CFAP61: variants seen among roughly 807,000 people sequenced by gnomAD.
CFAP61 encodes the protein cilia- and flagella-associated protein 61.
CFAP61 carries 107 observed loss-of-function variants against 135.6 expected under a neutral mutation model. That is an observed-to-expected ratio of 0.79 (90% CI 0.67 to 0.93). The LOEUF (loss-of-function observed/expected upper bound fraction) is 0.93, where lower values mean the gene tolerates loss of function less well. CFAP61 is among the 40% of genes least tolerant of loss of function. CFAP61 has a pLI of 0.00. For missense variants in CFAP61, 1,507 were observed against 1,556.2 expected, an observed-to-expected ratio of 0.97 and a Z score of 0.53; for synonymous variants, 575 against 578.5, an observed-to-expected ratio of 0.99 and a Z score of 0.09.
At chr20:20,108,766 C>T (rs2048586077) in intron 8 of CFAP61, among the ~76,000 whole-genome samples, 1 of 85,890 alleles carries the variant, frequency 1.2e-5, no homozygotes, top group Non-Finnish European at 2.5e-5. Context: ...AAGTTGCCAA[C>T]ATGAAGTTGT....
At chr20:20,094,104 A>C (rs1056973216) in intron 7 of CFAP61, among the ~76,000 whole-genome samples, 4 of 152,358 alleles carry the variant, frequency 2.6e-5, no homozygotes, top group Middle Eastern at 3.4e-3. Flanking sequence ...TGTGGGTATT[A>C]GTTTCTGAAG....
Position 20,345,572 on chromosome 20 carries a change from A to G in CFAP61, c.3513+3651A>G, listed in dbSNP as rs181888600. On this transcript the variant is annotated intron_variant, in intron 26 of 26. Coordinates refer to ENST00000245957, the MANE Select transcript of CFAP61 (RefSeq NM_015585.4). Reference sequence around the variant, plus strand: ...GTAAAGAAAGGAAGAAAAGACCATTATCTATCTATTATCTATGAATATTGT... The same window carrying G: ...GTAAAGAAAGGAAGAAAAGACCATTGTCTATCTATTATCTATGAATATTGT... 3.8e-3 allele frequency among the ~76,000 whole-genome samples: 585 copies of G among 152,346 alleles called. 4 individuals carry two copies. Among genetic ancestry groups the G allele is most frequent in the African/African-American group, 0.014 (563 of 41,578 alleles).
chr20:20,308,364 C>T (rs946004893), intron 25 of CFAP61, among the ~76,000 whole-genome samples: 1 of 150,396 alleles, frequency 6.6e-6, no homozygotes, highest in Non-Finnish European at 1.5e-5. Context: ...TGATTTCTCT[C>T]TGTGCCTGTT....
intron 6 of CFAP61, among the ~76,000 whole-genome samples, chr20:20,078,833 A>T (rs1202480617): frequency 6.6e-6 from 1 of 152,236 alleles, no homozygotes; most frequent in African/African-American, 2.4e-5. Flanking sequence ...CACAGATAGG[A>T]TGAATAAAAC....
At chr20:20,304,980 T>C (rs910056790) in intron 25 of CFAP61, among the ~76,000 whole-genome samples, 4 of 152,198 alleles carry the variant, frequency 2.6e-5, no homozygotes, top group African/African-American at 9.6e-5. Context: ...ATCCTCGTGG[T>C]GTAAATAGGT....
At chr20:20,167,678 ATT>A (rs962918590) in intron 12 of CFAP61, among the ~76,000 whole-genome samples, 8 of 152,108 alleles carry the variant, frequency 5.3e-5, no homozygotes, top group African/African-American at 1.9e-4. Context: ...CCCAGTCCTT[ATT>A]TTCAACTTGA....
At chr20:20,121,504 A>G (rs534029875) in intron 8 of CFAP61, among the ~76,000 whole-genome samples, 2 of 149,436 alleles carry the variant, frequency 1.3e-5, no homozygotes, top group South Asian at 2.1e-4. Flanking sequence ...ATTTTTAAAT[A>G]TATTTTTGGA....
Position 20,359,198 on chromosome 20 carries a change from T to C in CFAP61, c.3514-1012T>C, listed in dbSNP as rs1196573003. On this transcript the variant is annotated intron_variant, in intron 26 of 26. Transcript: ENST00000245957. This position sits in a 1 kb window ranked among gnomAD's most constrained non-coding sequence, Gnocchi z 4.0. Reference sequence around the variant, plus strand: ...TTCTCAGCTTCAAACAACTTTATTCTTTCTGAGCCCTACCTTTTTAAATAT... The same window carrying C: ...TTCTCAGCTTCAAACAACTTTATTCCTTCTGAGCCCTACCTTTTTAAATAT... Among the ~76,000 whole-genome samples the C allele has an allele frequency of 6.6e-6, 1 of 152,226 alleles. No homozygotes were observed. Among genetic ancestry groups the C allele is most frequent in the Non-Finnish European group, 1.5e-5 (1 of 68,042 alleles).
chr20:20,285,875 C>T (rs1297744561), intron 22 of CFAP61, among the ~76,000 whole-genome samples: 1 of 149,304 alleles, frequency 6.7e-6, no homozygotes, highest in Non-Finnish European at 1.5e-5. Context: ...AAGCTGAGAT[C>T]TTGCCACTGC....
chr20:20,159,284 G>C, intron 9 of CFAP61, 86 bp from the exon 10 acceptor site: 1 of 1,229,904 alleles, frequency 8.1e-7, no homozygotes, highest in Non-Finnish European at 1.2e-6. Context: ...GCCAGGGTCT[G>C]AACCCTGGCA....
intron 5 of CFAP61, 69 bp from the exon 6 acceptor site, chr20:20,075,420 A>C (rs956369786): frequency 6.4e-7 from 1 of 1,567,796 alleles, no homozygotes; most frequent in Non-Finnish European, 8.8e-7. Context: ...TGGAAACTAC[A>C]TTTTGTTCTG....
chr20:20,052,780 G>C, intron 1 of CFAP61, 189 bp downstream of exon 1: 1 of 1,483,946 alleles, frequency 6.7e-7, no homozygotes, highest in East Asian at 2.4e-5. Context: ...GGGAAGAAGG[G>C]AGAGCGAGGA....
intron 13 of CFAP61, among the ~76,000 whole-genome samples, chr20:20,174,763 T>TA (rs11087311): frequency 0.69 from 104,561 of 151,014 alleles, 37,382 homozygotes; most frequent in Middle Eastern, 0.89. Context: ...ATGTTTGTAT[T>TA]AAAAAAAAAT....
At chr20:20,274,108 C>A (rs909490556) in intron 21 of CFAP61, among the ~76,000 whole-genome samples, 1 of 152,122 alleles carries the variant, frequency 6.6e-6, no homozygotes, top group African/African-American at 2.4e-5. Context: ...TGTATGACAA[C>A]ATTATATATG....
chr20:20,220,052 A>G (rs2048295804), intron 17 of CFAP61: 1 of 152,262 alleles, frequency 6.6e-6, no homozygotes, highest in Admixed American at 6.5e-5. Context: ...GAAAGTCTCT[A>G]AGGAAGGGGG....
intron 2 of CFAP61, 85 bp downstream of exon 2, chr20:20,056,881 GC>G: frequency 8.0e-7 from 1 of 1,246,288 alleles, no homozygotes; most frequent in Admixed American, 1.9e-5. Flanking sequence ...ACTTTGAGAG[GC>G]CAAGGCAGGC....
In CFAP61 at chr20:20,288,468, AC is replaced by A. The variant is rs1416994294; in HGVS notation, c.2797-140del. The A allele has an allele frequency of 5.9e-6, 4 of 678,648 alleles. No individual in the cohort carries two copies. In the East Asian group the frequency reaches 1.0e-4, roughly 17 times the overall value. The allele number at this position is 678,648 out of a possible 1,614,324, so 42.0% of individuals were successfully genotyped here. A position where few individuals can be genotyped will look rare whatever the true frequency, so the allele number is the denominator to read the frequency against. Reference sequence around the variant, plus strand: ...CCAAGGCAATCTATCTCTCATACGCACACAAACAACATGATAGCAAACTTTT... The same window carrying A: ...CCAAGGCAATCTATCTCTCATACGCAACAAACAACATGATAGCAAACTTTT... On this transcript the variant is annotated intron_variant, in intron 22 of 26. Coordinates refer to ENST00000245957, the MANE Select transcript of CFAP61 (RefSeq NM_015585.4).
intron 25 of CFAP61, among the ~76,000 whole-genome samples, chr20:20,338,117 G>C (rs1372362752): frequency 6.6e-6 from 1 of 152,160 alleles, no homozygotes; most frequent in African/African-American, 2.4e-5. Context: ...CAGGACACAG[G>C]CTGCTTCATA....
chr20:20,061,626 T>C (rs1434779607), intron 2 of CFAP61, among the ~76,000 whole-genome samples: 1 of 152,210 alleles, frequency 6.6e-6, no homozygotes, highest in Admixed American at 6.5e-5. Flanking sequence ...ATGACAGCTT[T>C]AAACTTATAT....
Sources: allele counts gnomAD v4.1 joint callset (sites outside exome capture counted in the v4.1 genomes callset), GRCh38; gene constraint gnomAD v4.1.1; non-coding constraint Gnocchi (gnomAD v3.1); transcripts MANE v1.5; gene names NCBI Gene and HGNC (gene_info 2026-07-23, HGNC 2026-07-21).